ZSWIM4: variants seen among roughly 807,000 people sequenced by gnomAD.
ZSWIM4 encodes zinc finger SWIM-type containing 4.
Under a neutral mutation model 102.5 loss-of-function variants are expected in ZSWIM4, and 62 were observed. The observed-to-expected ratio is 0.60, with a 90% confidence interval of 0.49 to 0.75. The LOEUF is 0.75. Ranked by LOEUF, ZSWIM4 falls within the 30% of genes least tolerant of loss-of-function variation. ZSWIM4 has a pLI of 0.00. For missense variants in ZSWIM4, 1,280 were observed against 1,529.6 expected (o/e 0.84, Z 2.72); for synonymous variants, 652 against 674.5 (o/e 0.97, Z 0.52).
intron 11 of ZSWIM4, 49 bp downstream of exon 11, chr19:13,823,549 T>A (rs758360018): frequency 2.1e-5 from 32 of 1,535,594 alleles, no homozygotes; most frequent in Non-Finnish European, 2.7e-5. Context: ...CTCTGTCATC[T>A]CCTTCTTCCT....
chr19:13,807,790 G>GATGGGTGT (rs1283472422), intron 3 of ZSWIM4, among the ~76,000 whole-genome samples: 30 of 122,544 alleles, frequency 2.4e-4, no homozygotes, highest in African/African-American at 1.1e-3. Context: ...TGGATGGATG[G>GATGGGTGT]ATGGGTGTAT....
intron 7 of ZSWIM4, among the ~76,000 whole-genome samples, chr19:13,815,566 G>T (rs1294166507): frequency 1.4e-5 from 2 of 145,962 alleles, no homozygotes; most frequent in Non-Finnish European, 3.0e-5. Flanking sequence ...TGCCTCCCAG[G>T]TTCAAGCAAT....
intron 13 of ZSWIM4, 101 bp downstream of exon 13, chr19:13,828,827 G>A (rs1259445388): frequency 4.2e-6 from 5 of 1,186,102 alleles, no homozygotes; most frequent in East Asian, 2.4e-5. Flanking sequence ...GTGGCGGGGT[G>A]CGGTGGCTCA....
intron 2 of ZSWIM4, among the ~76,000 whole-genome samples, chr19:13,803,806 GAAAA>G (rs36078549): frequency 8.9e-5 from 6 of 67,592 alleles, no homozygotes; most frequent in African/African-American, 2.8e-4. Context: ...CTCTGTCTCA[GAAAA>G]AAAAAAAAAA....
intron 3 of ZSWIM4, 30 bp from the exon 4 acceptor site, chr19:13,808,806 C>T: frequency 6.4e-7 from 1 of 1,564,874 alleles, no homozygotes; most frequent in Non-Finnish European, 8.7e-7. Flanking sequence ...CCAGCCCCAG[C>T]CTCAGCTTCC....
chr19:13,825,781 C>G lies in ZSWIM4; in HGVS notation c.2379+68C>G. Reference sequence around the variant, plus strand: ...GGGCCAGGACTGACTGTGAGCTGCGCCTCCCGGGGCATGGGCTGAGTGTGA... The same window carrying G: ...GGGCCAGGACTGACTGTGAGCTGCGGCTCCCGGGGCATGGGCTGAGTGTGA... On this transcript the variant is annotated intron_variant, in intron 12 of 13. Coordinates refer to ENST00000590508, the MANE Select transcript of ZSWIM4 (RefSeq NM_001367834.3). This position sits in a 1 kb window ranked among gnomAD's most constrained non-coding sequence, Gnocchi z 4.6. 2 of 1,524,712 alleles carry G rather than the reference C, an allele frequency of 1.3e-6. No individual in the cohort carries two copies. The highest frequency in any genetic ancestry group is 1.8e-6 in the Non-Finnish European group (2 of 1,138,646). The allele number at this position is 1,524,712 out of a possible 1,614,324, so 94.4% of individuals were successfully genotyped here.
At chr19:13,806,203 C>T (rs536136982) in intron 3 of ZSWIM4, among the ~76,000 whole-genome samples, 23 of 151,438 alleles carry the variant, frequency 1.5e-4, no homozygotes, top group African/African-American at 4.1e-4. Flanking sequence ...CCATCATGCC[C>T]GGCTAATTTT....
intron 3 of ZSWIM4, among the ~76,000 whole-genome samples, chr19:13,807,097 G>A (rs1181949042): frequency 6.6e-6 from 1 of 152,042 alleles, no homozygotes; most frequent in Non-Finnish European, 1.5e-5. Flanking sequence ...ACTGGGTGGG[G>A]TGGATAGTGT....
chr19:13,810,565 A>T (rs1438620708), intron 5 of ZSWIM4, among the ~76,000 whole-genome samples: 2 of 152,042 alleles, frequency 1.3e-5, no homozygotes, highest in Non-Finnish European at 2.9e-5. Flanking sequence ...TGCTGGGATT[A>T]CAGGCGTGAG....
At chr19:13,815,896 T>G (rs568772539) in intron 7 of ZSWIM4, among the ~76,000 whole-genome samples, 3 of 148,734 alleles carry the variant, frequency 2.0e-5, no homozygotes, top group East Asian at 4.0e-4. Context: ...TGAGCCAAGA[T>G]TACACCACTG....
chr19:13,820,110 T>C (rs555203585), intron 10 of ZSWIM4, among the ~76,000 whole-genome samples: 1 of 152,128 alleles, frequency 6.6e-6, no homozygotes, highest in South Asian at 2.1e-4. Context: ...ATGTTGCCCA[T>C]GTTGTCTCGA....
chr19:13,809,796 T>G lies in ZSWIM4; in HGVS notation c.1012+576T>G, dbSNP rs1179650317. Among the ~76,000 whole-genome samples the G allele has an allele frequency of 6.6e-6, 1 of 151,820 alleles. No individual in the cohort carries two copies. The highest frequency in any genetic ancestry group is 2.4e-5 in the African/African-American group (1 of 41,328). ...CACCCAGCCTACATGTTTTGTTTCTTTTTTTCTTTTTTTAGAGACAGGATC... is the reference window on the plus strand; with the variant it reads ...CACCCAGCCTACATGTTTTGTTTCTGTTTTTCTTTTTTTAGAGACAGGATC... On this transcript the variant is annotated intron_variant, in intron 5 of 13. Transcript: ENST00000590508. The surrounding 1 kb of genome is among the most constrained non-coding windows in gnomAD (Gnocchi z 4.2).
rs1377967648 is a variant in ZSWIM4, at chr19:13,831,102, A to G, written c.*52A>G. The G allele has an allele frequency of 5.3e-6, 8 of 1,505,312 alleles. No individual in the cohort carries two copies. In the East Asian group the frequency reaches 1.6e-4, roughly 30 times the overall value. The allele number at this position is 1,505,312 out of a possible 1,614,324, so 93.2% of individuals were successfully genotyped here. On this transcript the variant is annotated 3_prime_UTR_variant, in exon 14 of 14. Transcript: ENST00000590508. ...GATCCCCCTCGCCCCTGCGTCCCCC[A>G]CCCTTGCTCTCCAATTAGGCCCACG...
In ZSWIM4 at chr19:13,804,998, A is replaced by G; in HGVS notation, c.562A>G (p.Ile188Val). Residue 188 changes from isoleucine (I) to valine (V), a missense_variant, in exon 3 of 14, where the codon ATC becomes GTC. Physicochemically the swap from Ile to Val is conservative, Grantham distance 29. Coordinates refer to ENST00000590508, the MANE Select transcript of ZSWIM4 (RefSeq NM_001367834.3). Reference protein sequence around the residue: ...HAHQVELRLPISETLSQMNRD... With the variant: ...HAHQVELRLPVSETLSQMNRD... ...CCACCAGGTGGAGCTGCGGCTGCCC[A>G]TCTCCGAGACGCTCTCCCAGATGAA... 1.2e-6 allele frequency: 2 copies of G among 1,612,618 alleles called. No homozygotes were observed. Among genetic ancestry groups the G allele is most frequent in the Non-Finnish European group, 1.7e-6 (2 of 1,180,020 alleles).
chr19:13,812,549 TC>T (rs1344151227), intron 5 of ZSWIM4, among the ~76,000 whole-genome samples: 3 of 146,454 alleles, frequency 2.0e-5, no homozygotes, highest in African/African-American at 7.7e-5. Flanking sequence ...AACCTCCACC[TC>T]CCGGGTTCGA....
At chr19:13,813,250 G>A in intron 6 of ZSWIM4, 86 bp downstream of exon 6, 2 of 1,151,810 alleles carry the variant, frequency 1.7e-6, no homozygotes, top group Non-Finnish European at 2.4e-6. Context: ...CTCTTCCCAG[G>A]AGAGAGAGGG....
chr19:13,798,472 T>C (rs533024550), intron 1 of ZSWIM4, among the ~76,000 whole-genome samples: 1 of 152,046 alleles, frequency 6.6e-6, no homozygotes, highest in Non-Finnish European at 1.5e-5. Context: ...CACTTTTTTC[T>C]AACTTCTTCC....
At position 13,825,591 on chromosome 19, in the gene ZSWIM4, C is replaced by T; in HGVS notation, c.2257C>T (p.Gln753Ter). ...WLHTVLGSIQ[Q>*]NIHSPALLFK... is the part of the protein sequence containing the mutation. ...GCACACGGTACTGGGCTCCATCCAG[C>T]AGAACATCCACTCTCCGGCCCTGCT... The change falls in exon 12 of 14, where the codon CAG becomes TAG. Residue 753 changes from glutamine to a stop codon, truncating the protein, a stop_gained. Coordinates refer to ENST00000590508, the MANE Select transcript of ZSWIM4 (RefSeq NM_001367834.3). LOFTEE classifies it high-confidence loss of function. This position sits in a 1 kb window ranked among gnomAD's most constrained non-coding sequence, Gnocchi z 4.6. 3 of 1,614,200 alleles carry T rather than the reference C, an allele frequency of 1.9e-6. No individual in the cohort carries two copies. The highest frequency in any genetic ancestry group is 1.6e-4 in the Middle Eastern group (1 of 6,062).
chr19:13,823,947 G>A (rs923854613), intron 11 of ZSWIM4, among the ~76,000 whole-genome samples: 8 of 152,204 alleles, frequency 5.3e-5, no homozygotes, highest in Non-Finnish European at 1.0e-4. Flanking sequence ...ATGTCAGTAT[G>A]GCTAGCTCCT....
Sources: allele counts gnomAD v4.1 joint callset (sites outside exome capture counted in the v4.1 genomes callset), GRCh38; gene constraint gnomAD v4.1.1; non-coding constraint Gnocchi (gnomAD v3.1); transcripts MANE v1.5; gene names NCBI Gene and HGNC (gene_info 2026-07-23, HGNC 2026-07-21).